ZNF710: variants seen among roughly 807,000 people sequenced by gnomAD.
ZNF710 encodes zinc finger protein 710.
A neutral mutation model predicts 50.6 loss-of-function variants in ZNF710; 13 were observed. The observed-to-expected ratio is 0.26, with a 90% CI of 0.17 to 0.41. The LOEUF (loss-of-function observed/expected upper bound fraction) is 0.41, where lower values mean the gene tolerates loss of function less well. Among genes scored for constraint, ZNF710 ranks in the 10% least tolerant of loss-of-function variants. ZNF710 has a pLI of 1.00. For synonymous variants in ZNF710, 383 were observed against 397.0 expected, an observed-to-expected ratio of 0.96 and a Z score of 0.42; for missense variants, 721 against 936.6, an observed-to-expected ratio of 0.77 and a Z score of 3.01.
Position 90,034,501 on chromosome 15 carries a change from C to T in ZNF710, c.-28-32609C>T, listed in dbSNP as rs1486180112. Among the ~76,000 whole-genome samples the T allele has an allele frequency of 2.1e-5, 3 of 146,134 alleles. No homozygotes were observed. The East Asian group carries it at 6.0e-4, about 29-fold the overall frequency. The stretch of plus-strand genomic sequence containing the variant: ...ATTCTGTGCCTGTGGTGGTGGTGGC[C>T]ATGGTGTCGGCAGCAGCAGGGTTGT... On this transcript the variant is annotated intron_variant, in intron 1 of 4. Coordinates refer to ENST00000268154, the MANE Select transcript of ZNF710 (RefSeq NM_198526.4). The surrounding 1 kb of genome is among the most constrained non-coding windows in gnomAD (Gnocchi z 4.0).
intron 1 of ZNF710, among the ~76,000 whole-genome samples, chr15:90,055,770 C>G (rs1271044093): frequency 1.3e-5 from 2 of 152,212 alleles, no homozygotes; most frequent in Non-Finnish European, 2.9e-5. Context: ...GTGGGAGAGC[C>G]TGAGCTGGGG....
chr15:90,027,203 C>T (rs115615683), intron 1 of ZNF710, among the ~76,000 whole-genome samples: 1 of 151,944 alleles, frequency 6.6e-6, no homozygotes, highest in African/African-American at 2.4e-5. Flanking sequence ...ATTGTAACTT[C>T]TTTTTCTTCT....
At chr15:90,058,683 G>A (rs11631310) in intron 1 of ZNF710, among the ~76,000 whole-genome samples, 15,982 of 145,108 alleles carry the variant, frequency 0.11, 1,109 homozygotes, top group Non-Finnish European at 0.15. Context: ...AATAGAACCA[G>A]TAGGAGACAC....
At chr15:90,038,740 T>TGTGTGTGTGTGTGTGTGTGA (rs150950322) in intron 1 of ZNF710, among the ~76,000 whole-genome samples, 2,065 of 148,526 alleles carry the variant, frequency 0.014, 47 homozygotes, top group African/African-American at 0.044. Flanking sequence ...TGTGTGTGTG[T>TGTGTGTGTGTGTGTGTGTGA]GAGACATTGG....
intron 1 of ZNF710, among the ~76,000 whole-genome samples, chr15:90,014,291 G>A (rs1244281999): frequency 6.6e-6 from 1 of 151,996 alleles, no homozygotes; most frequent in East Asian, 1.9e-4. Flanking sequence ...GGGATGGGAG[G>A]GCTGTGGTAA....
At chr15:90,037,805 G>C (rs1899174653) in intron 1 of ZNF710, among the ~76,000 whole-genome samples, 1 of 152,210 alleles carries the variant, frequency 6.6e-6, no homozygotes. Context: ...TGCCCTCAAA[G>C]AACTCTGGAT....
chr15:90,071,655 T>G (rs1234999905), intron 2 of ZNF710, among the ~76,000 whole-genome samples: 1 of 151,460 alleles, frequency 6.6e-6, no homozygotes, highest in African/African-American at 2.4e-5. Context: ...TAAAAAAAAT[T>G]TCTTTTATTT....
intron 1 of ZNF710, among the ~76,000 whole-genome samples, chr15:90,048,552 C>T (rs1000892583): frequency 6.6e-6 from 1 of 152,180 alleles, no homozygotes; most frequent in Non-Finnish European, 1.5e-5. Context: ...GGGTGGGGGT[C>T]CCATTCTTGG....
intron 1 of ZNF710, among the ~76,000 whole-genome samples, chr15:90,044,013 GTTTA>G (rs1222319839): frequency 6.6e-6 from 1 of 152,058 alleles, no homozygotes; most frequent in Non-Finnish European, 1.5e-5. Context: ...AGGGAAGTGG[GTTTA>G]TTTGAGAGAG....
intron 3 of ZNF710, 30 bp from the exon 4 acceptor site, chr15:90,074,086 G>A (rs748554959): frequency 1.1e-5 from 17 of 1,590,062 alleles, no homozygotes; most frequent in Non-Finnish European, 1.5e-5. Context: ...GTTCCCCACA[G>A]GCTCAGGACA....
At position 90,040,470 on chromosome 15, in the gene ZNF710, A is replaced by G. The variant is rs141844117; in HGVS notation, c.-28-26640A>G. 2.0e-5 allele frequency among the ~76,000 whole-genome samples: 3 copies of G among 152,220 alleles called. No individual in the cohort carries two copies. Among genetic ancestry groups the G allele is most frequent in the African/African-American group, 2.4e-5 (1 of 41,540 alleles). On this transcript the variant is annotated intron_variant, in intron 1 of 4. Coordinates refer to ENST00000268154, the MANE Select transcript of ZNF710 (RefSeq NM_198526.4). The surrounding 1 kb of genome is among the most constrained non-coding windows in gnomAD (Gnocchi z 4.6). Reference sequence around the variant, plus strand: ...CTCCCTGAATTCTGTTCTTTCTTGAAGGAATTTCTGTTCTCATCAGTTCAT... The same window carrying G: ...CTCCCTGAATTCTGTTCTTTCTTGAGGGAATTTCTGTTCTCATCAGTTCAT...
intron 1 of ZNF710, among the ~76,000 whole-genome samples, chr15:90,005,592 G>T (rs1416394072): frequency 6.6e-6 from 1 of 152,184 alleles, no homozygotes; most frequent in African/African-American, 2.4e-5. Context: ...GGGACTACAG[G>T]CATGCGCCAC....
intron 1 of ZNF710, among the ~76,000 whole-genome samples, chr15:90,054,091 A>G (rs1899732025): frequency 6.6e-6 from 1 of 152,174 alleles, no homozygotes; most frequent in Admixed American, 6.5e-5. Context: ...TGAGATGACA[A>G]GAGAACATTG....
intron 4 of ZNF710, 47 bp from the exon 5 acceptor site, chr15:90,079,613 C>T (rs1900673418): frequency 6.3e-7 from 1 of 1,595,294 alleles, no homozygotes; most frequent in Non-Finnish European, 8.5e-7. Flanking sequence ...GTGACTGGCT[C>T]CTCCCGAGAG....
chr15:90,079,856 G>A lies in ZNF710; in HGVS notation c.*27G>A, dbSNP rs768175394. The A allele has an allele frequency of 5.1e-6, 8 of 1,566,614 alleles. No individual in the cohort carries two copies. Among genetic ancestry groups the A allele is most frequent in the Non-Finnish European group, 6.9e-6 (8 of 1,161,314 alleles). On this transcript the variant is annotated 3_prime_UTR_variant, in exon 5 of 5. Transcript: ENST00000268154. ...GCAAGCTGGGCCACCCCTAACGGGG[G>A]CCGGGGGCGAGGGCATGGGGGTGAG...
intron 1 of ZNF710, 136 bp from the exon 2 acceptor site, chr15:90,066,974 T>A: frequency 1.1e-6 from 1 of 939,426 alleles, no homozygotes. Flanking sequence ...GTGTGCCCTG[T>A]TCCCAAGGCC....
At chr15:90,021,821 C>T (rs1025631488) in intron 1 of ZNF710, among the ~76,000 whole-genome samples, 1 of 152,158 alleles carries the variant, frequency 6.6e-6, no homozygotes, top group Non-Finnish European at 1.5e-5. Context: ...CGTGGTGGCT[C>T]ACACCTGTAA....
In ZNF710 at chr15:90,033,238, G is replaced by T. The variant is rs1248189596; in HGVS notation, c.-29+31624G>T. On this transcript the variant is annotated intron_variant, in intron 1 of 4. Coordinates refer to ENST00000268154, the MANE Select transcript of ZNF710 (RefSeq NM_198526.4). ...GGGTGAGCACTGTTGACCCCACGTGGCAGGACTCAGGACTAAACTGCTTGT... is the reference window on the plus strand; with the variant it reads ...GGGTGAGCACTGTTGACCCCACGTGTCAGGACTCAGGACTAAACTGCTTGT... 2.0e-5 allele frequency among the ~76,000 whole-genome samples: 3 copies of T among 152,204 alleles called. No individual in the cohort carries two copies. The East Asian group carries it at 5.8e-4, about 29-fold the overall frequency.
intron 1 of ZNF710, among the ~76,000 whole-genome samples, chr15:90,030,744 C>T (rs962224490): frequency 1.3e-5 from 2 of 151,740 alleles, no homozygotes; most frequent in African/African-American, 4.8e-5. Context: ...TGGCTGGGCG[C>T]GGTGGCTCAC....
Sources: gnomAD v4.1 joint callset for allele counts (sites outside exome capture counted in the v4.1 genomes callset) on GRCh38, gnomAD v4.1.1 for gene constraint, Gnocchi (gnomAD v3.1) non-coding constraint, MANE v1.5 for transcripts, NCBI Gene and HGNC (gene_info 2026-07-23, HGNC 2026-07-21) for gene names.